PNKD: variants seen among roughly 807,000 people sequenced by gnomAD.
The protein encoded by PNKD is probable thioesterase PNKD.
In PNKD, 36 loss-of-function variants were observed where a neutral mutation model predicts 45.3. That is an observed-to-expected ratio of 0.80 (90% CI 0.61 to 1.05). PNKD has a LOEUF of 1.05. PNKD is among the 50% of genes least tolerant of loss of function. PNKD has a pLI of 0.00. For missense variants in PNKD, 511 were observed against 506.6 expected (o/e 1.01, Z -0.08); for synonymous variants, 197 against 210.1 (o/e 0.94, Z 0.54).
intron 2 of PNKD, among the ~76,000 whole-genome samples, chr2:218,318,950 C>CTTTTTTTTTTTTTTTTTT (rs769001811): frequency 2.8e-4 from 28 of 99,884 alleles, no homozygotes; most frequent in South Asian, 6.7e-4. Flanking sequence ...TTTTTTTTTT[C>CTTTTTTTTTTTTTTTTTT]TTTTTTTTTT....
chr2:218,323,469 G>A (rs776342121), intron 2 of PNKD: 3 of 1,498,764 alleles, frequency 2.0e-6, no homozygotes, highest in South Asian at 1.3e-5. Flanking sequence ...GGCTCGGGAG[G>A]CGGGCGCGCT....
At chr2:218,289,292 A>T (rs185292683) in intron 2 of PNKD, among the ~76,000 whole-genome samples, 1 of 152,332 alleles carries the variant, frequency 6.6e-6, no homozygotes, top group Non-Finnish European at 1.5e-5. Context: ...GACTCACTCC[A>T]CTGTGAGAGC....
intron 2 of PNKD, among the ~76,000 whole-genome samples, chr2:218,296,650 T>C (rs1392323331): frequency 3.9e-5 from 6 of 152,080 alleles, no homozygotes; most frequent in Non-Finnish European, 8.8e-5. Flanking sequence ...CTGAAAGAAG[T>C]TGCCTTTTTT....
At chr2:218,273,758 A>G (rs1690964765) in intron 2 of PNKD, among the ~76,000 whole-genome samples, 1 of 151,006 alleles carries the variant, frequency 6.6e-6, no homozygotes, top group Non-Finnish European at 1.5e-5. Context: ...TCGGCCTCCC[A>G]AAGTGCTGGA....
At chr2:218,323,053 G>C in intron 2 of PNKD, 1 of 703,728 alleles carries the variant, frequency 1.4e-6, no homozygotes, top group Non-Finnish European at 2.0e-6. Flanking sequence ...CCAGCCGGGC[G>C]GAGCCAGGCC....
At chr2:218,278,915 T>C (rs971754586) in intron 2 of PNKD, 2 of 1,119,542 alleles carry the variant, frequency 1.8e-6, no homozygotes, top group African/African-American at 3.1e-5. Flanking sequence ...CACGGGAAAC[T>C]GGCACCAACT....
At chr2:218,302,428 A>G (rs961162299) in intron 2 of PNKD, among the ~76,000 whole-genome samples, 3 of 152,122 alleles carry the variant, frequency 2.0e-5, no homozygotes, top group Non-Finnish European at 2.9e-5. Context: ...TACAGAGGGG[A>G]TGGGCCGTGG....
chr2:218,344,310 C>T, intron 8 of PNKD, 145 bp from the exon 9 acceptor site: 1 of 691,742 alleles, frequency 1.4e-6, no homozygotes, highest in Non-Finnish European at 2.7e-6. Context: ...GAAGCAGCTC[C>T]TGGCAGTTGG....
rs765436821 is a variant in PNKD, at chr2:218,339,979, C to A, written c.353-50C>A. 11 of 1,473,542 alleles carry A rather than the reference C, an allele frequency of 7.5e-6. No homozygotes were observed. The East Asian group carries it at 2.5e-4, about 33-fold the overall frequency. The allele number at this position is 1,473,542 out of a possible 1,614,324, so 91.3% of individuals were successfully genotyped here. On this transcript the variant is annotated intron_variant, in intron 3 of 9. Transcript: ENST00000273077. The stretch of plus-strand genomic sequence containing the variant: ...CCTGCTCCCCTTCACATACCCCAGC[C>A]CCTGGGCTCCCTGCCTGTTACCCCG...
chr2:218,295,536 C>T (rs2106248085), intron 2 of PNKD, among the ~76,000 whole-genome samples: 1 of 152,136 alleles, frequency 6.6e-6, no homozygotes, highest in East Asian at 1.9e-4. Context: ...TAGGAACCAG[C>T]CTATTCGGAG....
intron 2 of PNKD, chr2:218,282,113 T>A (rs765096690): frequency 2.6e-6 from 4 of 1,538,142 alleles, no homozygotes; most frequent in Non-Finnish European, 3.5e-6. Context: ...GCGGTCTTCA[T>A]ATGGTGGTGG....
intron 5 of PNKD, 82 bp from the exon 6 acceptor site, chr2:218,341,452 G>T (rs1177708509): frequency 2.3e-6 from 2 of 878,630 alleles, no homozygotes; most frequent in African/African-American, 3.3e-5. Flanking sequence ...AGCACTTAAA[G>T]GCCTGGAGAT....
intron 2 of PNKD, chr2:218,277,721 A>G (rs1300179591): frequency 6.2e-7 from 1 of 1,612,072 alleles, no homozygotes; most frequent in Admixed American, 1.7e-5. Context: ...GAAGGAAGGC[A>G]GGGTGCTGGG....
intron 2 of PNKD, among the ~76,000 whole-genome samples, chr2:218,310,646 C>T (rs1277040923): frequency 1.5e-5 from 2 of 136,334 alleles, no homozygotes; most frequent in African/African-American, 5.7e-5. Flanking sequence ...GGCTGGAGTA[C>T]AGTGGCGCCA....
intron 2 of PNKD, chr2:218,277,814 C>T (rs1312112299): frequency 1.2e-5 from 18 of 1,540,520 alleles, no homozygotes; most frequent in African/African-American, 1.4e-5. Context: ...TCAGAACAGG[C>T]GGCCCAGATA....
At chr2:218,298,690 G>A (rs1693202513) in intron 2 of PNKD, among the ~76,000 whole-genome samples, 1 of 152,078 alleles carries the variant, frequency 6.6e-6, no homozygotes, top group Non-Finnish European at 1.5e-5. Flanking sequence ...AGCTCAGCAG[G>A]GCCAGGCTCC....
At chr2:218,341,868 G>C in intron 6 of PNKD, 113 bp from the exon 7 acceptor site, 1 of 920,634 alleles carries the variant, frequency 1.1e-6, no homozygotes, top group Non-Finnish European at 1.8e-6. Context: ...GACTTCTTTT[G>C]TATGGAAGCC....
At chr2:218,280,126 C>A (rs1421311016) in intron 2 of PNKD, 3 of 1,612,626 alleles carry the variant, frequency 1.9e-6, no homozygotes, top group African/African-American at 2.7e-5. Flanking sequence ...ATGGCCTGGG[C>A]CTAGGGACAG....
intron 2 of PNKD, among the ~76,000 whole-genome samples, chr2:218,294,579 G>T (rs1328853524): frequency 6.6e-6 from 1 of 152,192 alleles, no homozygotes; most frequent in Non-Finnish European, 1.5e-5. Context: ...CCATGTACAA[G>T]CAATCCTTCC....
Sources: allele counts gnomAD v4.1 joint callset (sites outside exome capture counted in the v4.1 genomes callset), GRCh38; gene constraint gnomAD v4.1.1; transcripts MANE v1.5; gene names NCBI Gene and HGNC (gene_info 2026-07-23, HGNC 2026-07-21).